NAP1L1: variants seen among roughly 807,000 people sequenced by gnomAD.
NAP1L1 encodes the protein nucleosome assembly protein 1-like 1.
NAP1L1 carries 9 observed loss-of-function variants against 58.9 expected under a neutral mutation model. That is an observed-to-expected ratio of 0.15 (90% confidence interval 0.09 to 0.27). The LOEUF (loss-of-function observed/expected upper bound fraction) is 0.27. Ranked by LOEUF, NAP1L1 falls within the 10% of genes least tolerant of loss-of-function variation. The pLI is 1.00. For missense variants in NAP1L1, 302 were observed against 458.8 expected, an observed-to-expected ratio of 0.66 and a Z score of 3.12; for synonymous variants, 130 against 138.3, an observed-to-expected ratio of 0.94 and a Z score of 0.42.
intron 4 of NAP1L1, among the ~76,000 whole-genome samples, chr12:76,062,419 G>C (rs375386371): frequency 1.3e-5 from 2 of 152,100 alleles, no homozygotes; most frequent in African/African-American, 4.8e-5. Flanking sequence ...TAATGTGCTG[G>C]AGCTCAGAGA....
rs181964842 is a variant in NAP1L1, at chr12:76,068,940, T to C, written c.72A>G (p.Glu24=). Residue 24 remains glutamate, a synonymous_variant, in exon 3 of 15, where the codon GAA becomes GAG. Coordinates refer to ENST00000618691, the MANE Select transcript of NAP1L1 (RefSeq NM_004537.7). ...GTTTTGTTTCTTCACCAGTTTCCTC[T>C]TCTTCTACTTCTTCAACATCATCCA... ...QDLDDVEEVE[E]EETGEETKLK... 2.0e-5 allele frequency: 33 copies of C among 1,613,420 alleles called. No homozygotes were observed. The highest frequency in any genetic ancestry group is 1.5e-4 in the African/African-American group (11 of 75,018).
At position 76,060,322 on chromosome 12, in the gene NAP1L1, G is replaced by C. The variant is rs774222326; in HGVS notation, c.207-43C>G. 25 of 1,582,448 alleles carry C rather than the reference G, an allele frequency of 1.6e-5. No homozygotes were observed. The Middle Eastern group carries it at 1.2e-3, about 75-fold the overall frequency. On this transcript the variant is annotated intron_variant, in intron 4 of 14. Coordinates refer to ENST00000618691, the MANE Select transcript of NAP1L1 (RefSeq NM_004537.7). ...AGTTATATAGCATCAGAGTAAAATGGAAGTCACACTTCTTTTGTCATACTG... is the reference window on the plus strand; with the variant it reads ...AGTTATATAGCATCAGAGTAAAATGCAAGTCACACTTCTTTTGTCATACTG...
At chr12:76,068,624 G>A in intron 3 of NAP1L1, 3 of 272,564 alleles carry the variant, frequency 1.1e-5, no homozygotes, top group South Asian at 8.7e-5. Flanking sequence ...TCTAAATTCA[G>A]ACAAAACTCA....
In NAP1L1 at chr12:76,041,297, A is replaced by T. The variant is rs1948548302; in HGVS notation, c.*7132T>A. 1 of 152,242 alleles carries T rather than the reference A, an allele frequency of 6.6e-6. No individual in the cohort carries two copies. Among genetic ancestry groups the T allele is most frequent in the Non-Finnish European group, 1.5e-5 (1 of 68,054 alleles). 9.4% of individuals were successfully genotyped at this position (152,242 alleles called of 1,614,324 possible). On this transcript the variant is annotated 3_prime_UTR_variant, in exon 15 of 15. Coordinates refer to ENST00000618691, the MANE Select transcript of NAP1L1 (RefSeq NM_004537.7). ...CCAAGCACAGTGCTGGAAATTAGGA[A>T]ACTCATTAATAAGCAAGTGTTTCTA... is the stretch of plus-strand genomic sequence containing the variant.
intron 7 of NAP1L1, 95 bp downstream of exon 7, chr12:76,055,938 G>A: frequency 7.7e-7 from 1 of 1,297,442 alleles, no homozygotes; most frequent in East Asian, 2.3e-5. Flanking sequence ...AATCATTCTA[G>A]AAAGATCAAC....
At position 76,038,686 on chromosome 12, in the gene NAP1L1, A is replaced by C. The variant is rs904552777; in HGVS notation, c.*9743T>G. 6.6e-6 allele frequency: 1 copy of C among 152,192 alleles called. No homozygotes were observed. Among genetic ancestry groups the C allele is most frequent in the Non-Finnish European group, 1.5e-5 (1 of 68,032 alleles). 9.4% of individuals were successfully genotyped at this position (152,192 alleles called of 1,614,324 possible). ...ATTCTGTGGGGTAGCCAGACTCAGA[A>C]AGGTGGAATAACACTTTTACAAGAA... On this transcript the variant is annotated 3_prime_UTR_variant, in exon 15 of 15. Transcript: ENST00000618691.
At chr12:76,069,983 G>C (rs1330419373) in intron 2 of NAP1L1, among the ~76,000 whole-genome samples, 1 of 152,134 alleles carries the variant, frequency 6.6e-6, no homozygotes, top group East Asian at 1.9e-4. Context: ...AGTTGCTTTT[G>C]TGTCTAAACA....
At position 76,049,342 on chromosome 12, in the gene NAP1L1, C is replaced by T. The variant is rs770466556; in HGVS notation, c.1090-92G>A. 2.4e-4 allele frequency: 378 copies of T among 1,598,488 alleles called. 1 individual carries two copies. Among genetic ancestry groups the T allele is most frequent in the Non-Finnish European group, 2.8e-4 (331 of 1,174,460 alleles). ...GGAAAATTTAATACAAGTTACTCTACGGATCAACAGATTTTCATGATTACA... is the reference window on the plus strand; with the variant it reads ...GGAAAATTTAATACAAGTTACTCTATGGATCAACAGATTTTCATGATTACA... On this transcript the variant is annotated intron_variant, in intron 13 of 14. Coordinates refer to ENST00000618691, the MANE Select transcript of NAP1L1 (RefSeq NM_004537.7).
rs1171849905 is a variant in NAP1L1 at position 76,047,184 on chromosome 12, T to C, written c.*1245A>G. 1 of 152,468 alleles carries C rather than the reference T, an allele frequency of 6.6e-6. No individual in the cohort carries two copies. 9.4% of individuals were successfully genotyped at this position (152,468 alleles called of 1,614,324 possible). A position where few individuals can be genotyped will look rare whatever the true frequency, so the allele number is the denominator to read the frequency against. ...AGCTTTTAACAAGATTGAGAAACAT[T>C]ATATGAGATTTAACTCAATATGCCT... On this transcript the variant is annotated 3_prime_UTR_variant, in exon 15 of 15. Transcript: ENST00000618691.
chr12:76,067,244 C>A, intron 4 of NAP1L1, 127 bp downstream of exon 4: 1 of 660,582 alleles, frequency 1.5e-6, no homozygotes, highest in Non-Finnish European at 2.5e-6. Context: ...TCTAATAATC[C>A]TATACTGGAT....
At position 76,048,247 on chromosome 12, in the gene NAP1L1, C is replaced by T; in HGVS notation, c.*182G>A. ...GAATTTGTGCATTCAACATAGCTGG[C>T]AGAAAAACTAGTTAAAATGCTAGGT... On this transcript the variant is annotated 3_prime_UTR_variant, in exon 15 of 15. Coordinates refer to ENST00000618691, the MANE Select transcript of NAP1L1 (RefSeq NM_004537.7). 3.6e-6 allele frequency: 2 copies of T among 560,930 alleles called. No homozygotes were observed. The highest frequency in any genetic ancestry group is 5.6e-5 in the South Asian group (2 of 35,886). 34.7% of individuals were successfully genotyped at this position (560,930 alleles called of 1,614,324 possible).
intron 6 of NAP1L1, among the ~76,000 whole-genome samples, chr12:76,059,064 A>G (rs746792038): frequency 1.1e-4 from 16 of 152,228 alleles, no homozygotes; most frequent in African/African-American, 1.7e-4. Context: ...AAGAAACAAT[A>G]AGCCTTGCAA....
intron 1 of NAP1L1, among the ~76,000 whole-genome samples, chr12:76,078,994 TACACACAC>T (rs756057648): frequency 6.6e-6 from 1 of 151,308 alleles, no homozygotes; most frequent in African/African-American, 2.4e-5. Flanking sequence ...TATATATATA[TACACACAC>T]ACACACACAC....
chr12:76,062,039 G>C (rs1949440155), intron 4 of NAP1L1, among the ~76,000 whole-genome samples: 1 of 152,178 alleles, frequency 6.6e-6, no homozygotes, highest in Admixed American at 6.5e-5. Flanking sequence ...GGCCACAGCA[G>C]GTAGCAGTGC....
Position 76,067,358 on chromosome 12 carries a change from G to A in NAP1L1, c.206+13C>T, listed in dbSNP as rs1454438104. On this transcript the variant is annotated intron_variant, in intron 4 of 14. Coordinates refer to ENST00000618691, the MANE Select transcript of NAP1L1 (RefSeq NM_004537.7). The stretch of plus-strand genomic sequence containing the variant: ...TTATAGAAAGATAAATAAGGACTAT[G>A]GAAAAGCTGTACCTTTCAATGTATC... The A allele has an allele frequency of 3.8e-6, 6 of 1,575,712 alleles. No homozygotes were observed. Among genetic ancestry groups the A allele is most frequent in the Admixed American group, 1.7e-5 (1 of 58,908 alleles).
intron 11 of NAP1L1, 97 bp from the exon 12 acceptor site, chr12:76,050,750 A>G: frequency 7.5e-7 from 1 of 1,328,376 alleles, no homozygotes; most frequent in Non-Finnish European, 1.0e-6. Context: ...GTGATGGCTC[A>G]CAACTGTAGT....
intron 1 of NAP1L1, among the ~76,000 whole-genome samples, chr12:76,078,325 C>T (rs1438932553): frequency 6.6e-6 from 1 of 152,168 alleles, no homozygotes; most frequent in Non-Finnish European, 1.5e-5. Flanking sequence ...TTTACCTCAT[C>T]TGTATTGCCC....
intron 2 of NAP1L1, among the ~76,000 whole-genome samples, chr12:76,070,055 A>C (rs1164649483): frequency 6.7e-6 from 1 of 149,052 alleles, no homozygotes; most frequent in Admixed American, 6.8e-5. Context: ...GCAAGTACAG[A>C]AAAAAATCAA....
chr12:76,066,145 CAAA>C, intron 4 of NAP1L1, among the ~76,000 whole-genome samples: 1 of 20,500 alleles, frequency 4.9e-5, no homozygotes, highest in Non-Finnish European at 1.0e-4. Flanking sequence ...AATAAACAAA[CAAA>C]CAAACAAACC....
Sources: gnomAD v4.1 joint callset for allele counts (sites outside exome capture counted in the v4.1 genomes callset) on GRCh38, gnomAD v4.1.1 for gene constraint, MANE v1.5 for transcripts, NCBI Gene and HGNC (gene_info 2026-07-23, HGNC 2026-07-21) for gene names.